The following ROBO1 variants were observed in gnomAD, a reference collection of about 807,000 sequenced individuals.
ROBO1 encodes the protein roundabout guidance receptor 1.
A neutral mutation model predicts 195.9 loss-of-function variants in ROBO1; 149 were observed. That is an observed-to-expected ratio of 0.76 (90% CI 0.67 to 0.87). The LOEUF is 0.87. Among genes scored for constraint, ROBO1 ranks in the 40% least tolerant of loss-of-function variants. The pLI, the probability that ROBO1 is intolerant of heterozygous loss-of-function variation, is 0.00. For synonymous variants in ROBO1, 816 were observed against 733.2 expected (o/e 1.11, Z -1.82); for missense variants, 1,933 against 2,068.3 (o/e 0.93, Z 1.27).
chr3:79,550,195 G>GAAAGAAAGAAAGGAAAGAAAAGAAAA, intron 2 of ROBO1, among the ~76,000 whole-genome samples: 3 of 100,812 alleles, frequency 3.0e-5, no homozygotes, highest in African/African-American at 4.7e-5. Context: ...AAGAAAGAAA[G>GAAAGAAAGAAAGGAAAGAAAAGAAAA]GAAAAGAAAA....
chr3:79,394,693 TA>T (rs1418884476), intron 2 of ROBO1, among the ~76,000 whole-genome samples: 1 of 152,084 alleles, frequency 6.6e-6, no homozygotes, highest in African/African-American at 2.4e-5. Context: ...TTCTTCTTAA[TA>T]GAGTGAATGA....
At chr3:79,349,022 A>G (rs1207406289) in intron 2 of ROBO1, among the ~76,000 whole-genome samples, 1 of 152,240 alleles carries the variant, frequency 6.6e-6, no homozygotes, top group Non-Finnish European at 1.5e-5. Context: ...CCAACAATCT[A>G]GTTAAATCTC....
intron 1 of ROBO1, among the ~76,000 whole-genome samples, chr3:79,616,631 G>A (rs1944829274): frequency 6.6e-6 from 1 of 152,096 alleles, no homozygotes; most frequent in African/African-American, 2.4e-5. Flanking sequence ...AATGAAAAAG[G>A]GGAGTGTTGC....
At chr3:79,749,920 G>A (rs1704053871) in intron 1 of ROBO1, among the ~76,000 whole-genome samples, 1 of 152,194 alleles carries the variant, frequency 6.6e-6, no homozygotes, top group African/African-American at 2.4e-5. Context: ...ACCACCTAGT[G>A]GAACTCTGAG....
intron 4 of ROBO1, among the ~76,000 whole-genome samples, chr3:78,839,136 A>G (rs1363213801): frequency 6.6e-6 from 1 of 152,190 alleles, no homozygotes; most frequent in Non-Finnish European, 1.5e-5. Flanking sequence ...AGATGATACC[A>G]AAGAGTAAAA....
chr3:78,668,883 T>C (rs1707891556), intron 11 of ROBO1, among the ~76,000 whole-genome samples: 1 of 152,222 alleles, frequency 6.6e-6, no homozygotes, highest in Non-Finnish European at 1.5e-5. Flanking sequence ...AGAGCGTTAA[T>C]ATTTATGGCT....
At position 78,651,897 on chromosome 3, in the gene ROBO1, G is replaced by T; in HGVS notation, c.2647C>A (p.Gln883Lys). ...GAAATCTGCTGAGCGAGGCTGACTT[G>T]GTCCTCAGGTGACACAGGGTTTCCA... ...AHGNPVSPED[Q>K]VSLAQQISDV... is the part of the protein sequence containing the mutation. The change falls in exon 19 of 31, where the codon CAA (glutamine) becomes AAA (lysine). Residue 883 changes from glutamine (Q) to lysine (K), a missense_variant. Transcript: ENST00000464233. The T allele has an allele frequency of 6.2e-7, 1 of 1,613,198 alleles. No individual in the cohort carries two copies. Among genetic ancestry groups the T allele is most frequent in the Non-Finnish European group, 8.5e-7 (1 of 1,179,514 alleles).
At chr3:79,110,773 C>G (rs1030731182) in intron 3 of ROBO1, among the ~76,000 whole-genome samples, 1 of 151,614 alleles carries the variant, frequency 6.6e-6, no homozygotes, top group African/African-American at 2.4e-5. Flanking sequence ...CAAGTGTGCA[C>G]CACCACACCT....
intron 1 of ROBO1, among the ~76,000 whole-genome samples, chr3:79,743,831 C>T (rs1008762029): frequency 1.3e-5 from 2 of 152,132 alleles, no homozygotes; most frequent in Non-Finnish European, 2.9e-5. Flanking sequence ...CACTGCCTTC[C>T]ACCTCCACAT....
intron 3 of ROBO1, among the ~76,000 whole-genome samples, chr3:79,085,520 C>T (rs1272341598): frequency 2.6e-5 from 4 of 152,060 alleles, no homozygotes; most frequent in Non-Finnish European, 5.9e-5. Flanking sequence ...AAACATTTTT[C>T]TTCTTTCTGG....
intron 24 of ROBO1, among the ~76,000 whole-genome samples, chr3:78,633,543 C>G (rs1416848950): frequency 1.3e-5 from 2 of 152,116 alleles, no homozygotes; most frequent in African/African-American, 4.8e-5. Flanking sequence ...GCTCAAGTGT[C>G]CTCAAACATT....
chr3:79,704,010 T>C (rs2107177970), intron 1 of ROBO1, among the ~76,000 whole-genome samples: 1 of 152,142 alleles, frequency 6.6e-6, no homozygotes, highest in Non-Finnish European at 1.5e-5. Context: ...ATATTTTCCA[T>C]ACTACAGTTA....
intron 2 of ROBO1, among the ~76,000 whole-genome samples, chr3:79,195,053 A>T (rs1222572710): frequency 6.6e-6 from 1 of 151,664 alleles, no homozygotes; most frequent in Admixed American, 6.6e-5. Flanking sequence ...TCTAAGTTTT[A>T]TCTACTGATA....
At chr3:79,397,176 T>TCA (rs1236536587) in intron 2 of ROBO1, among the ~76,000 whole-genome samples, 6 of 151,152 alleles carry the variant, frequency 4.0e-5, no homozygotes, top group Non-Finnish European at 8.9e-5. Flanking sequence ...TTAAAAAGTG[T>TCA]TTTGGAAGAC....
chr3:79,439,546 A>G (rs920121669), intron 2 of ROBO1, among the ~76,000 whole-genome samples: 1 of 152,110 alleles, frequency 6.6e-6, no homozygotes, highest in Non-Finnish European at 1.5e-5. Context: ...TCTAAAAGTA[A>G]CATTTATTTG....
intron 22 of ROBO1, 73 bp downstream of exon 22, chr3:78,639,671 G>A: frequency 7.3e-7 from 1 of 1,379,300 alleles, no homozygotes; most frequent in Non-Finnish European, 9.9e-7. Flanking sequence ...CATGTAGGGA[G>A]AGGGAAAGAA....
At chr3:79,489,646 C>T (rs1186668606) in intron 2 of ROBO1, among the ~76,000 whole-genome samples, 6 of 111,058 alleles carry the variant, frequency 5.4e-5, no homozygotes, top group South Asian at 6.3e-4. Flanking sequence ...AGTGAGACTT[C>T]ATCTCAAAAA....
chr3:79,636,096 T>A (rs1945487686), intron 1 of ROBO1, among the ~76,000 whole-genome samples: 1 of 152,116 alleles, frequency 6.6e-6, no homozygotes, highest in African/African-American at 2.4e-5. Flanking sequence ...TTAGAACAGA[T>A]AATGTATTAT....
intron 21 of ROBO1, among the ~76,000 whole-genome samples, chr3:78,643,624 C>G (rs1197569345): frequency 6.6e-6 from 1 of 152,080 alleles, no homozygotes; most frequent in Non-Finnish European, 1.5e-5. Context: ...CTGCAGAGAC[C>G]TAGAGCTGTG....
Sources: allele counts gnomAD v4.1 joint callset (sites outside exome capture counted in the v4.1 genomes callset), GRCh38; gene constraint gnomAD v4.1.1; transcripts MANE v1.5; gene names NCBI Gene and HGNC (gene_info 2026-07-23, HGNC 2026-07-21).